IQCM: variants seen among roughly 807,000 people sequenced by gnomAD.
IQCM encodes the protein IQ motif containing M.
Under a neutral mutation model 57.6 loss-of-function variants are expected in IQCM, and 45 were observed. The observed-to-expected ratio is 0.78, with a 90% CI of 0.62 to 1.00. The LOEUF (loss-of-function observed/expected upper bound fraction) is 1.00. Ranked by LOEUF, IQCM falls within the 50% of genes least tolerant of loss-of-function variation. The pLI is 0.00. For synonymous variants in IQCM, 148 were observed against 158.9 expected (o/e 0.93, Z 0.51); for missense variants, 468 against 511.6 (o/e 0.91, Z 0.82).
chr4:149,745,927 G>A (rs1264153595), intron 2 of IQCM, among the ~76,000 whole-genome samples: 2 of 151,862 alleles, frequency 1.3e-5, no homozygotes, highest in African/African-American at 2.4e-5. Context: ...AGCCGTGATC[G>A]TGCCACTGCA....
At chr4:149,560,290 AG>A (rs1395455420) in intron 10 of IQCM, among the ~76,000 whole-genome samples, 9 of 152,224 alleles carry the variant, frequency 5.9e-5, no homozygotes, top group Non-Finnish European at 1.2e-4. Flanking sequence ...CAGATTCTCC[AG>A]GGCTGTTCCA....
chr4:149,374,377 T>C (rs899092039), intron 13 of IQCM, among the ~76,000 whole-genome samples: 1 of 152,170 alleles, frequency 6.6e-6, no homozygotes, highest in Non-Finnish European at 1.5e-5. Context: ...TGATAGAAGT[T>C]CTTGTAGCTA....
rs1236190309 is a variant in IQCM, at chr4:149,505,743, C to A, written c.1228+42712G>T. 2.0e-5 allele frequency among the ~76,000 whole-genome samples: 3 copies of A among 151,874 alleles called. No individual in the cohort carries two copies. The East Asian group carries it at 5.8e-4, about 29-fold the overall frequency. ...GTGAATGCGTTTGTTTTCCTTTTTT[C>A]TTTTCTCTCACCCCTCCATTCTCCA... On this transcript the variant is annotated intron_variant, in intron 12 of 13. Transcript: ENST00000636793.
At chr4:149,740,955 A>G (rs1262438472) in intron 3 of IQCM, among the ~76,000 whole-genome samples, 2 of 152,154 alleles carry the variant, frequency 1.3e-5, no homozygotes, top group Admixed American at 1.3e-4. Flanking sequence ...GTAAAGAGTT[A>G]TGGAGCTGGA....
chr4:149,809,767 T>G (rs1452052078), intron 2 of IQCM, among the ~76,000 whole-genome samples: 1 of 152,192 alleles, frequency 6.6e-6, no homozygotes, highest in Non-Finnish European at 1.5e-5. Flanking sequence ...GGAGCTATTT[T>G]GATCATAAAG....
In IQCM at chr4:149,642,806, T is replaced by C. The variant is rs139609222; in HGVS notation, c.566-21562A>G. On this transcript the variant is annotated intron_variant, in intron 7 of 13. Coordinates refer to ENST00000636793, the MANE Select transcript of IQCM (RefSeq NM_001363507.2). The stretch of plus-strand genomic sequence containing the variant: ...TTATATTTAGGGACACAAACAAGTC[T>C]ACTGGTTCATAAAATTTGTATCACT... Among the ~76,000 whole-genome samples the C allele has an allele frequency of 4.3e-4, 65 of 152,324 alleles. 1 individual carries two copies. Among genetic ancestry groups the C allele is most frequent in the African/African-American group, 1.5e-3 (61 of 41,578 alleles).
intron 7 of IQCM, among the ~76,000 whole-genome samples, chr4:149,648,296 T>C (rs1022301517): frequency 6.6e-6 from 1 of 152,178 alleles, no homozygotes; most frequent in African/African-American, 2.4e-5. Flanking sequence ...TTTGTCATTG[T>C]CTTTAAAAAA....
chr4:149,425,924 T>G (rs1248001587), intron 13 of IQCM, among the ~76,000 whole-genome samples: 1 of 152,038 alleles, frequency 6.6e-6, no homozygotes, highest in Non-Finnish European at 1.5e-5. Flanking sequence ...TCTATCTACA[T>G]GTATATTTTA....
intron 2 of IQCM, among the ~76,000 whole-genome samples, chr4:149,753,898 G>A (rs1038616613): frequency 6.6e-6 from 1 of 151,818 alleles, no homozygotes; most frequent in Non-Finnish European, 1.5e-5. Context: ...GAGATTAAAA[G>A]TACATTCCAG....
At chr4:149,724,701 C>CT (rs1334817464) in intron 5 of IQCM, among the ~76,000 whole-genome samples, 6 of 151,950 alleles carry the variant, frequency 3.9e-5, no homozygotes, top group Admixed American at 3.9e-4. Context: ...TCTTGTTGAG[C>CT]TTAATTAGAG....
intron 13 of IQCM, among the ~76,000 whole-genome samples, chr4:149,423,719 T>C (rs891926134): frequency 6.6e-6 from 1 of 152,012 alleles, no homozygotes; most frequent in Non-Finnish European, 1.5e-5. Flanking sequence ...TCTAAACCAA[T>C]ACATGAGAGG....
At chr4:149,612,808 T>G (rs1755422265) in intron 8 of IQCM, among the ~76,000 whole-genome samples, 1 of 151,996 alleles carries the variant, frequency 6.6e-6, no homozygotes, top group Non-Finnish European at 1.5e-5. Context: ...AAATTAAAAT[T>G]GGGAAGTTTA....
chr4:149,381,343 G>A (rs1731061600), intron 13 of IQCM, among the ~76,000 whole-genome samples: 2 of 152,026 alleles, frequency 1.3e-5, no homozygotes, highest in African/African-American at 4.8e-5. Context: ...ATTAAACCAT[G>A]TCATTCTATT....
intron 11 of IQCM, among the ~76,000 whole-genome samples, chr4:149,549,703 G>A (rs1748839811): frequency 6.6e-6 from 1 of 152,068 alleles, no homozygotes; most frequent in South Asian, 2.1e-4. Context: ...AGGATGTCAG[G>A]GACTGCTCAA....
At chr4:149,659,470 G>A (rs1453367020) in intron 7 of IQCM, among the ~76,000 whole-genome samples, 1 of 151,958 alleles carries the variant, frequency 6.6e-6, no homozygotes, top group Non-Finnish European at 1.5e-5. Flanking sequence ...CACAGAATTG[G>A]AAAAAACTAC....
intron 12 of IQCM, among the ~76,000 whole-genome samples, chr4:149,435,847 GCAAA>G (rs1244323060): frequency 6.6e-6 from 1 of 151,988 alleles, no homozygotes; most frequent in African/African-American, 2.4e-5. Flanking sequence ...GAATAAGAAT[GCAAA>G]CAAAGAATAT....
intron 13 of IQCM, chr4:149,430,081 A>C (rs1734720997): frequency 1.9e-6 from 2 of 1,045,726 alleles, no homozygotes; most frequent in Non-Finnish European, 2.4e-6. Flanking sequence ...TATTAAACCC[A>C]AAACTTTCAA....
At chr4:149,601,345 C>G (rs1308417576) in intron 8 of IQCM, among the ~76,000 whole-genome samples, 1 of 152,130 alleles carries the variant, frequency 6.6e-6, no homozygotes, top group African/African-American at 2.4e-5. Flanking sequence ...CTGATTGAAA[C>G]TAAGCCAGCA....
At chr4:149,685,537 G>A (rs1014877413) in intron 6 of IQCM, among the ~76,000 whole-genome samples, 1 of 151,386 alleles carries the variant, frequency 6.6e-6, no homozygotes, top group Non-Finnish European at 1.5e-5. Flanking sequence ...CCTGAGCATG[G>A]ATCTTCTAGT....
Sources: gnomAD v4.1 joint callset for allele counts (sites outside exome capture counted in the v4.1 genomes callset) on GRCh38, gnomAD v4.1.1 for gene constraint, MANE v1.5 for transcripts, NCBI Gene and HGNC (gene_info 2026-07-23, HGNC 2026-07-21) for gene names.